CTDSPL: variants seen among roughly 807,000 people sequenced by gnomAD.
The protein encoded by CTDSPL is CTD small phosphatase like, also known as CTD small phosphatase-like protein.
CTDSPL carries 8 observed loss-of-function variants against 30.5 expected under a neutral mutation model. The ratio of observed to expected loss-of-function variants is 0.26; its 90% CI spans 0.15 to 0.47. The LOEUF (loss-of-function observed/expected upper bound fraction) is 0.47, where lower values mean the gene tolerates loss of function less well. Ranked by LOEUF, CTDSPL falls within the 20% of genes least tolerant of loss-of-function variation. The pLI is 0.99. For missense variants in CTDSPL, 248 were observed against 366.1 expected (o/e 0.68, Z 2.63); for synonymous variants, 110 against 137.9 (o/e 0.80, Z 1.42).
intron 1 of CTDSPL, among the ~76,000 whole-genome samples, chr3:37,938,966 A>G (rs769623693): frequency 7.3e-5 from 11 of 150,004 alleles, no homozygotes; most frequent in African/African-American, 2.2e-4. Flanking sequence ...TTTAGTTTCT[A>G]TCATCATTAC....
intron 3 of CTDSPL, among the ~76,000 whole-genome samples, chr3:37,960,503 AAAATATAT>A (rs1699227649): frequency 1.9e-5 from 1 of 53,632 alleles, no homozygotes; most frequent in Non-Finnish European, 3.3e-5. Flanking sequence ...AAAAAAAAAA[AAAATATAT>A]ATATATATAT....
intron 1 of CTDSPL, among the ~76,000 whole-genome samples, chr3:37,924,608 A>G (rs1698759038): frequency 6.6e-6 from 1 of 152,226 alleles, no homozygotes; most frequent in South Asian, 2.1e-4. Context: ...TTTTGGTAAG[A>G]TAAGTTCCAG....
intron 1 of CTDSPL, among the ~76,000 whole-genome samples, chr3:37,894,947 A>G (rs1249002527): frequency 6.6e-6 from 1 of 152,084 alleles, no homozygotes; most frequent in Non-Finnish European, 1.5e-5. Context: ...TATATATTTC[A>G]TATATTGCTT....
At chr3:37,972,837 A>G (rs1053052475) in intron 6 of CTDSPL, among the ~76,000 whole-genome samples, 10 of 152,368 alleles carry the variant, frequency 6.6e-5, no homozygotes, top group African/African-American at 2.4e-4. Context: ...TGGGCATCTC[A>G]GGGACCCTGA....
intron 6 of CTDSPL, 36 bp downstream of exon 6, chr3:37,971,535 G>T (rs905277420): frequency 6.3e-7 from 1 of 1,581,968 alleles, no homozygotes; most frequent in East Asian, 2.2e-5. Context: ...CTCCCAGCCT[G>T]GTACTCCCAG....
At chr3:37,897,509 A>G (rs951982968) in intron 1 of CTDSPL, among the ~76,000 whole-genome samples, 9 of 152,196 alleles carry the variant, frequency 5.9e-5, no homozygotes, top group Admixed American at 2.0e-4. Context: ...TTTCTTGAAA[A>G]GAAAATCTCT....
At chr3:37,864,209 G>A (rs766831117) in intron 1 of CTDSPL, among the ~76,000 whole-genome samples, 1 of 152,176 alleles carries the variant, frequency 6.6e-6, no homozygotes, top group East Asian at 1.9e-4. Context: ...GGAAATATTT[G>A]TCAGAGCCTC....
At chr3:37,969,761 A>T (rs1395854714) in intron 5 of CTDSPL, among the ~76,000 whole-genome samples, 1 of 152,088 alleles carries the variant, frequency 6.6e-6, no homozygotes, top group Non-Finnish European at 1.5e-5. Flanking sequence ...GTGCTACGAC[A>T]TCCTGTTCCT....
At chr3:37,910,489 C>T (rs1217752948) in intron 1 of CTDSPL, among the ~76,000 whole-genome samples, 2 of 151,818 alleles carry the variant, frequency 1.3e-5, no homozygotes. Flanking sequence ...CTCAGAACAA[C>T]AACAACAAAA....
intron 7 of CTDSPL, among the ~76,000 whole-genome samples, chr3:37,976,564 G>A (rs1467172020): frequency 2.6e-5 from 4 of 151,642 alleles, no homozygotes; most frequent in Non-Finnish European, 4.4e-5. Context: ...CCCGGGAGGC[G>A]GAGGTTGCAG....
At chr3:37,897,846 A>T (rs1332971512) in intron 1 of CTDSPL, among the ~76,000 whole-genome samples, 1 of 152,214 alleles carries the variant, frequency 6.6e-6, no homozygotes, top group Non-Finnish European at 1.5e-5. Flanking sequence ...GAGCACTGCC[A>T]TTAGTAAGTT....
chr3:37,882,916 A>G (rs905232391), intron 1 of CTDSPL, among the ~76,000 whole-genome samples: 3 of 152,164 alleles, frequency 2.0e-5, no homozygotes, highest in Admixed American at 6.5e-5. Flanking sequence ...TGACCTTCCA[A>G]ACAGTGTTCT....
At chr3:37,868,672 C>T (rs1252810416) in intron 1 of CTDSPL, among the ~76,000 whole-genome samples, 10 of 152,062 alleles carry the variant, frequency 6.6e-5, no homozygotes, top group Admixed American at 6.6e-4. Flanking sequence ...GTCCTTCCTC[C>T]TTTGAATTTC....
chr3:37,924,974 TC>T (rs1698763772), intron 1 of CTDSPL, among the ~76,000 whole-genome samples: 1 of 152,046 alleles, frequency 6.6e-6, no homozygotes, highest in African/African-American at 2.4e-5. Flanking sequence ...ACCCCCTCCC[TC>T]AACTGCTTTC....
intron 2 of CTDSPL, among the ~76,000 whole-genome samples, chr3:37,950,397 A>G (rs1485819896): frequency 9.9e-5 from 15 of 152,244 alleles, no homozygotes; most frequent in Non-Finnish European, 1.5e-5. Context: ...ATGGAAGAGA[A>G]CTGTAACGGA....
intron 1 of CTDSPL, among the ~76,000 whole-genome samples, chr3:37,872,631 G>A (rs1239804958): frequency 7.4e-6 from 1 of 134,766 alleles, no homozygotes; most frequent in Admixed American, 8.3e-5. Flanking sequence ...CTGGAGTGAA[G>A]TGGTGCAATC....
At position 37,981,509 on chromosome 3, in the gene CTDSPL, A is replaced by C. The variant is rs977768050; in HGVS notation, c.*642A>C. On this transcript the variant is annotated 3_prime_UTR_variant, in exon 8 of 8. Transcript: ENST00000273179. ...GGCATGCTGCAGGGTCAGGCTCCTG[A>C]TAGGAGGATTTCATGACTATGTCAT... is the stretch of plus-strand genomic sequence containing the variant. The C allele has an allele frequency of 3.4e-5, 8 of 235,726 alleles. No homozygotes were observed. Among genetic ancestry groups the C allele is most frequent in the Non-Finnish European group, 5.2e-5 (6 of 116,044 alleles). 14.6% of individuals were successfully genotyped at this position (235,726 alleles called of 1,614,324 possible).
intron 1 of CTDSPL, among the ~76,000 whole-genome samples, chr3:37,940,625 T>C (rs1417278017): frequency 6.6e-6 from 1 of 150,414 alleles, no homozygotes; most frequent in Non-Finnish European, 1.5e-5. Context: ...TCCCTTCCAA[T>C]AGGGCTTGCA....
intron 1 of CTDSPL, among the ~76,000 whole-genome samples, chr3:37,925,815 G>A (rs941712121): frequency 5.3e-5 from 8 of 151,572 alleles, no homozygotes; most frequent in South Asian, 2.1e-4. Context: ...TTTCTCGCAC[G>A]GGTGACAGTT....
Sources: allele counts gnomAD v4.1 joint callset (sites outside exome capture counted in the v4.1 genomes callset), GRCh38; gene constraint gnomAD v4.1.1; transcripts MANE v1.5; gene names NCBI Gene and HGNC (gene_info 2026-07-23, HGNC 2026-07-21).